IQSEC1: variants seen among roughly 807,000 people sequenced by gnomAD.
The protein encoded by IQSEC1 is IQ motif and SEC7 domain-containing protein 1.
In IQSEC1, 31 loss-of-function variants were observed where a neutral mutation model predicts 91.0. That is an observed-to-expected ratio of 0.34 (90% confidence interval 0.26 to 0.46). IQSEC1 has a LOEUF of 0.46. Among genes scored for constraint, IQSEC1 ranks in the 20% least tolerant of loss-of-function variants. The probability of loss-of-function intolerance (pLI) is 1.00; values close to 1 mark genes in which losing one functional copy is unlikely to be tolerated. For synonymous variants in IQSEC1, 699 were observed against 662.6 expected (o/e 1.05, Z -0.84); for missense variants, 1,388 against 1,575.6 (o/e 0.88, Z 2.02).
In IQSEC1 at chr3:13,207,722, G is replaced by A. The variant is rs555534844; in HGVS notation, c.273-43589C>T. ...CAGGGGCTTATCCCTGCCATCAGCC[G>A]GCCACGCCATCGCCAGCTCTCCCGG... On this transcript the variant is annotated intron_variant, in intron 1 of 15. Transcript: ENST00000648114. The surrounding 1 kb of genome is among the most constrained non-coding windows in gnomAD (Gnocchi z 4.8). Among the ~76,000 whole-genome samples, 8 of 152,174 alleles carry A rather than the reference G, an allele frequency of 5.3e-5. No individual in the cohort carries two copies. Among genetic ancestry groups the A allele is most frequent in the Admixed American group, 1.3e-4 (2 of 15,288 alleles).
intron 2 of IQSEC1, among the ~76,000 whole-genome samples, chr3:13,116,037 G>T (rs573440592): frequency 6.6e-6 from 1 of 152,326 alleles, no homozygotes; most frequent in Non-Finnish European, 1.5e-5. Context: ...CAGGAAAGAA[G>T]GGTCCCTTAG....
chr3:13,102,313 G>T (rs1706079399), intron 2 of IQSEC1, among the ~76,000 whole-genome samples: 1 of 152,020 alleles, frequency 6.6e-6, no homozygotes, highest in African/African-American at 2.4e-5. Flanking sequence ...AATAACCTCT[G>T]CCTTCCATGC....
chr3:13,138,020 A>G (rs758774478), intron 2 of IQSEC1, among the ~76,000 whole-genome samples: 15 of 152,218 alleles, frequency 9.9e-5, no homozygotes, highest in Non-Finnish European at 1.6e-4. Context: ...AGGGCTGTGC[A>G]GTGGCCAGAG....
chr3:13,149,436 C>T (rs1319869918), intron 2 of IQSEC1, among the ~76,000 whole-genome samples: 2 of 149,996 alleles, frequency 1.3e-5, no homozygotes, highest in African/African-American at 4.9e-5. Context: ...GGTGGGGGGG[C>T]GGACAGAGGA....
intron 2 of IQSEC1, among the ~76,000 whole-genome samples, chr3:13,120,458 T>A (rs1223387096): frequency 1.3e-5 from 2 of 152,188 alleles, no homozygotes; most frequent in Non-Finnish European, 2.9e-5. Context: ...GCAAGCTGTG[T>A]GCCCTCAGTC....
intron 2 of IQSEC1, among the ~76,000 whole-genome samples, chr3:13,146,194 C>T (rs1292816131): frequency 6.6e-6 from 1 of 151,722 alleles, no homozygotes; most frequent in Non-Finnish European, 1.5e-5. Flanking sequence ...GCTATGTTGC[C>T]CAGGCTGGTC....
At chr3:13,164,240 C>A (rs1576278388) in intron 1 of IQSEC1, among the ~76,000 whole-genome samples, 1 of 152,124 alleles carries the variant, frequency 6.6e-6, no homozygotes, top group Non-Finnish European at 1.5e-5. Context: ...CTCCCAGCAT[C>A]CCCTCCCCAG....
chr3:13,274,743 T>A (rs1210382338), intron 1 of IQSEC1, among the ~76,000 whole-genome samples: 1 of 151,746 alleles, frequency 6.6e-6, no homozygotes, highest in African/African-American at 2.4e-5. Context: ...GTGTGCTGCA[T>A]GGCTTAGAGG....
chr3:13,186,986 T>C (rs1229800278), intron 1 of IQSEC1, among the ~76,000 whole-genome samples: 1 of 152,104 alleles, frequency 6.6e-6, no homozygotes, highest in Admixed American at 6.5e-5. Flanking sequence ...CCCTCCTTCC[T>C]TCCTGCCGCC....
intron 2 of IQSEC1, among the ~76,000 whole-genome samples, chr3:13,162,069 G>A (rs1014447578): frequency 1.1e-4 from 17 of 150,750 alleles, no homozygotes; most frequent in Non-Finnish European, 2.4e-4. Flanking sequence ...ACACCAGGCC[G>A]GGTGGGGCTG....
rs145813041 is a variant in IQSEC1, at chr3:13,248,907, A to C, written c.272+33804T>G. On this transcript the variant is annotated intron_variant, in intron 1 of 15. Transcript: ENST00000648114. ...CTTGCCCGAGGTCACGTAGCTGCAC[A>C]GACAGGTTAAGTCACTTGCCTAATG... is the stretch of plus-strand genomic sequence containing the variant. Among the ~76,000 whole-genome samples, 94 of 96,662 alleles carry C rather than the reference A, an allele frequency of 9.7e-4. 1 individual carries two copies. The highest frequency in any genetic ancestry group is 7.8e-3 in the African/African-American group (83 of 10,588). The allele number at this position is 96,662 out of a possible 152,430, so 63.4% of individuals were successfully genotyped here. A position where few individuals can be genotyped will look rare whatever the true frequency, so the allele number is the denominator to read the frequency against.
intron 1 of IQSEC1, among the ~76,000 whole-genome samples, chr3:13,029,011 C>T (rs1455963256): frequency 6.6e-6 from 1 of 152,242 alleles, no homozygotes; most frequent in Non-Finnish European, 1.5e-5. Flanking sequence ...AAAATAGGAT[C>T]TATCTCCAGG....
At position 12,996,422 on chromosome 3, in the gene IQSEC1, C is replaced by A. The variant is rs373181349; in HGVS notation, c.24-54557G>T. Among the ~76,000 whole-genome samples, 13 of 152,262 alleles carry A rather than the reference C, an allele frequency of 8.5e-5. No individual in the cohort carries two copies. In the East Asian group the frequency reaches 2.3e-3, roughly 27 times the overall value. ...TGGAACTGAAGCTAAAAATTCCCAC[C>A]CTGCCTCGCTTCCAAGGCTGCTGTG... On this transcript the variant is annotated intron_variant, in intron 1 of 13. Coordinates refer to ENST00000613206, the MANE Select transcript of IQSEC1 (RefSeq NM_001134382.3).
chr3:13,101,296 A>G (rs1417069142), intron 2 of IQSEC1, among the ~76,000 whole-genome samples: 1 of 152,046 alleles, frequency 6.6e-6, no homozygotes. Flanking sequence ...CCTGGCTAAC[A>G]TGGTGAAACC....
intron 2 of IQSEC1, among the ~76,000 whole-genome samples, chr3:13,095,994 G>A (rs1705948796): frequency 6.6e-6 from 1 of 152,184 alleles, no homozygotes. Flanking sequence ...AGTCGTCCAA[G>A]CTCCATGGCT....
At chr3:12,959,868 C>G (rs2125472972) in intron 1 of IQSEC1, among the ~76,000 whole-genome samples, 1 of 152,296 alleles carries the variant, frequency 6.6e-6, no homozygotes, top group South Asian at 2.1e-4. Flanking sequence ...GCTATCACAT[C>G]AAGGTCCATT....
In IQSEC1 at chr3:12,935,351, C is replaced by A; in HGVS notation, c.1568+97G>T. 1 of 1,250,622 alleles carries A rather than the reference C, an allele frequency of 8.0e-7. No homozygotes were observed. Among genetic ancestry groups the A allele is most frequent in the Non-Finnish European group, 1.1e-6 (1 of 890,300 alleles). 77.5% of individuals were successfully genotyped at this position (1,250,622 alleles called of 1,614,324 possible). A position where few individuals can be genotyped will look rare whatever the true frequency, so the allele number is the denominator to read the frequency against. On this transcript the variant is annotated intron_variant, in intron 3 of 13. Transcript: ENST00000613206. The surrounding 1 kb of genome is among the most constrained non-coding windows in gnomAD (Gnocchi z 8.0). ...TCCTATGCTCATAGGCCACGGTGGA[C>A]CTCAAGCTCCGTGCTTGGAAGGATG...
intron 1 of IQSEC1, among the ~76,000 whole-genome samples, chr3:13,198,923 C>T (rs940648435): frequency 9.9e-5 from 15 of 152,190 alleles, no homozygotes; most frequent in Non-Finnish European, 1.5e-4. Flanking sequence ...ATGCCCAGGA[C>T]GGAATACACC....
intron 1 of IQSEC1, among the ~76,000 whole-genome samples, chr3:13,198,349 C>A (rs1694172780): frequency 6.6e-6 from 1 of 152,112 alleles, no homozygotes; most frequent in South Asian, 2.1e-4. Context: ...CTTGGGATGG[C>A]CGTGGGCTGT....
Sources: allele counts gnomAD v4.1 joint callset (sites outside exome capture counted in the v4.1 genomes callset), GRCh38; gene constraint gnomAD v4.1.1; non-coding constraint Gnocchi (gnomAD v3.1); transcripts MANE v1.5; gene names NCBI Gene and HGNC (gene_info 2026-07-23, HGNC 2026-07-21).